CNTN4: variants seen among roughly 807,000 people sequenced by gnomAD.
CNTN4 encodes the protein contactin 4, also known as contactin-4.
CNTN4 carries 77 observed loss-of-function variants against 122.5 expected under a neutral mutation model. The observed-to-expected ratio is 0.63, with a 90% CI of 0.52 to 0.76. The LOEUF (loss-of-function observed/expected upper bound fraction) is 0.76, where lower values mean the gene tolerates loss of function less well. Ranked by LOEUF, CNTN4 falls within the 30% of genes least tolerant of loss-of-function variation. The pLI, the probability that CNTN4 is intolerant of heterozygous loss-of-function variation, is 0.00. For synonymous variants in CNTN4, 512 were observed against 447.0 expected (o/e 1.15, Z -1.83); for missense variants, 1,256 against 1,259.1 (o/e 1.00, Z 0.04).
intron 4 of CNTN4, among the ~76,000 whole-genome samples, chr3:2,651,269 A>G (rs1458894173): frequency 6.6e-6 from 1 of 152,114 alleles, no homozygotes; most frequent in African/African-American, 2.4e-5. Context: ...CAGGGTAGAA[A>G]AAAATATTCC....
chr3:2,583,786 G>A (rs1005748156), intron 4 of CNTN4, among the ~76,000 whole-genome samples: 1 of 152,056 alleles, frequency 6.6e-6, no homozygotes, highest in African/African-American at 2.4e-5. Flanking sequence ...TAGATGTTGG[G>A]TGTACCGAGA....
intron 3 of CNTN4, among the ~76,000 whole-genome samples, chr3:2,522,078 A>G (rs764388953): frequency 6.6e-6 from 1 of 151,844 alleles, no homozygotes; most frequent in Non-Finnish European, 1.5e-5. Context: ...GGGTTTATTT[A>G]TCCATTATCA....
chr3:2,600,179 A>G (rs369799535), intron 4 of CNTN4, among the ~76,000 whole-genome samples: 1 of 151,664 alleles, frequency 6.6e-6, no homozygotes, highest in Non-Finnish European at 1.5e-5. Flanking sequence ...GGCTCTAATT[A>G]TATGATTGTT....
At chr3:2,972,691 A>G (rs572898097) in intron 13 of CNTN4, among the ~76,000 whole-genome samples, 3 of 152,230 alleles carry the variant, frequency 2.0e-5, no homozygotes, top group Non-Finnish European at 4.4e-5. Flanking sequence ...TAGTGTGCTG[A>G]TGATTACAGG....
intron 3 of CNTN4, among the ~76,000 whole-genome samples, chr3:2,416,798 C>T (rs1002608551): frequency 6.6e-6 from 1 of 152,078 alleles, no homozygotes; most frequent in African/African-American, 2.4e-5. Context: ...GGACTACAGG[C>T]GCCTGCAACC....
In CNTN4 at chr3:2,361,578, A is replaced by G. The variant is rs539647017; in HGVS notation, c.-89+22345A>G. Among the ~76,000 whole-genome samples the G allele has an allele frequency of 3.9e-5, 6 of 152,372 alleles. No homozygotes were observed. The South Asian group carries it at 1.0e-3, about 26-fold the overall frequency. On this transcript the variant is annotated intron_variant, in intron 3 of 24. Transcript: ENST00000418658. ...CTCATACATTCAGCCCACACTAAAA[A>G]GGAGAAATTGATCACCTAATGTGTT...
chr3:3,050,140 C>T (rs937829386), intron 23 of CNTN4, among the ~76,000 whole-genome samples: 2 of 152,142 alleles, frequency 1.3e-5, no homozygotes, highest in African/African-American at 4.8e-5. Flanking sequence ...CCTGTTAATA[C>T]AGTTAAAATG....
chr3:2,770,877 C>T (rs1199811304), intron 6 of CNTN4, among the ~76,000 whole-genome samples: 1 of 152,240 alleles, frequency 6.6e-6, no homozygotes. Context: ...CAGAAACACA[C>T]ACAATGCATA....
intron 13 of CNTN4, among the ~76,000 whole-genome samples, chr3:2,973,612 T>C (rs761699358): frequency 3.2e-4 from 49 of 152,110 alleles, no homozygotes; most frequent in Admixed American, 5.9e-4. Flanking sequence ...TCAATGTCTC[T>C]AAAATTCTAA....
At chr3:2,375,734 G>T (rs1316928342) in intron 3 of CNTN4, among the ~76,000 whole-genome samples, 1 of 152,000 alleles carries the variant, frequency 6.6e-6, no homozygotes, top group Non-Finnish European at 1.5e-5. Flanking sequence ...TTTATATCAT[G>T]AAGTGTTACC....
intron 4 of CNTN4, among the ~76,000 whole-genome samples, chr3:2,572,562 G>T (rs947625700): frequency 1.3e-5 from 2 of 152,114 alleles, no homozygotes. Context: ...ATCATTCCAC[G>T]CCCCTTTGAA....
intron 2 of CNTN4, among the ~76,000 whole-genome samples, chr3:2,134,602 C>T (rs896720012): frequency 3.9e-5 from 6 of 152,156 alleles, no homozygotes; most frequent in African/African-American, 1.2e-4. Context: ...CAACTAGGGG[C>T]ATCTTGGTCT....
intron 3 of CNTN4, among the ~76,000 whole-genome samples, chr3:2,509,271 T>C (rs2076818664): frequency 1.3e-5 from 2 of 152,156 alleles, no homozygotes; most frequent in Non-Finnish European, 2.9e-5. Context: ...GTAGATCTGC[T>C]AAAGTCTCAA....
chr3:2,193,473 C>T (rs9857385), intron 2 of CNTN4, among the ~76,000 whole-genome samples: 41,084 of 151,974 alleles, frequency 0.27, 5,929 homozygotes, highest in East Asian at 0.46. Context: ...GAAACTTTTA[C>T]TGGTTAAAGG....
Position 2,632,062 on chromosome 3 carries a change from A to ACG in CNTN4, c.55+60506_55+60507dup, listed in dbSNP as rs200103958. On this transcript the variant is annotated intron_variant, in intron 4 of 24. Transcript: ENST00000418658. ...CAAGACCCTGTCTCAAAATACACAT[A>ACG]CGCACACACACACACACACACACGT... 1.5e-3 allele frequency among the ~76,000 whole-genome samples: 137 copies of ACG among 89,062 alleles called. 1 individual carries two copies. The highest frequency in any genetic ancestry group is 5.8e-3 in the South Asian group (15 of 2,602). The allele number at this position is 89,062 out of a possible 152,430, so 58.4% of individuals were successfully genotyped here. A position where few individuals can be genotyped will look rare whatever the true frequency, so the allele number is the denominator to read the frequency against.
In CNTN4 at chr3:2,138,176, C is replaced by T. The variant is rs576283311; in HGVS notation, c.-145+37537C>T. On this transcript the variant is annotated intron_variant, in intron 2 of 24. Coordinates refer to ENST00000418658, the MANE Select transcript of CNTN4 (RefSeq NM_175607.3). ...CCACTTCCCGGGTTCAAGTGATTCT[C>T]CTGCCTCAGCTCCCTAGTTACTGGG... 5.3e-5 allele frequency among the ~76,000 whole-genome samples: 8 copies of T among 151,854 alleles called. No homozygotes were observed. In the South Asian group the frequency reaches 1.7e-3, roughly 32 times the overall value.
intron 2 of CNTN4, among the ~76,000 whole-genome samples, chr3:2,188,553 T>C (rs1281513217): frequency 6.6e-6 from 1 of 152,182 alleles, no homozygotes. Context: ...CAGTGCCATT[T>C]CAGGCATAGA....
intron 2 of CNTN4, among the ~76,000 whole-genome samples, chr3:2,333,455 C>T (rs954235504): frequency 1.3e-5 from 2 of 152,178 alleles, no homozygotes; most frequent in African/African-American, 2.4e-5. Flanking sequence ...TTTCTCACTT[C>T]GTGAGAGCTG....
intron 4 of CNTN4, among the ~76,000 whole-genome samples, chr3:2,575,823 T>G (rs1220933519): frequency 7.1e-6 from 1 of 141,766 alleles, no homozygotes; most frequent in African/African-American, 2.6e-5. Context: ...TTTTTTTTTT[T>G]TTTTTTTTTT....
Sources: gnomAD v4.1 joint callset for allele counts (sites outside exome capture counted in the v4.1 genomes callset) on GRCh38, gnomAD v4.1.1 for gene constraint, MANE v1.5 for transcripts, NCBI Gene and HGNC (gene_info 2026-07-23, HGNC 2026-07-21) for gene names.